The following KIFAP3 variants were observed in gnomAD, a reference collection of about 807,000 sequenced individuals.
KIFAP3 encodes kinesin associated protein 3, also known as kinesin-associated protein 3.
Under a neutral mutation model 106.5 loss-of-function variants are expected in KIFAP3, and 68 were observed. The observed-to-expected ratio is 0.64, with a 90% CI of 0.53 to 0.78. KIFAP3 has a LOEUF of 0.78. Ranked by LOEUF, KIFAP3 falls within the 30% of genes least tolerant of loss-of-function variation. KIFAP3 has a pLI of 0.00. For synonymous variants in KIFAP3, 320 were observed against 311.5 expected, an observed-to-expected ratio of 1.03 and a Z score of -0.29; for missense variants, 780 against 941.8, an observed-to-expected ratio of 0.83 and a Z score of 2.25.
intron 2 of KIFAP3, among the ~76,000 whole-genome samples, chr1:170,048,194 T>C (rs1670363007): frequency 1.3e-5 from 2 of 152,128 alleles, no homozygotes; most frequent in South Asian, 2.1e-4. Flanking sequence ...AGCTATGTAA[T>C]AGCTTTTAAT....
At chr1:169,965,455 AAAC>A (rs1404430755) in intron 17 of KIFAP3, among the ~76,000 whole-genome samples, 3 of 152,166 alleles carry the variant, frequency 2.0e-5, no homozygotes, top group Non-Finnish European at 4.4e-5. Flanking sequence ...AGTAAGAGTA[AAAC>A]TTGACTCCTA....
At chr1:169,977,663 T>C (rs1213783566) in intron 16 of KIFAP3, among the ~76,000 whole-genome samples, 1 of 152,112 alleles carries the variant, frequency 6.6e-6, no homozygotes, top group Non-Finnish European at 1.5e-5. Context: ...AACAAATGCC[T>C]AGGGCTCAAG....
chr1:170,050,131 G>C, intron 2 of KIFAP3, among the ~76,000 whole-genome samples: 1 of 152,206 alleles, frequency 6.6e-6, no homozygotes, highest in East Asian at 1.9e-4. Context: ...AGAATAACCA[G>C]TTTAGAGAGA....
rs755675226 is a variant in KIFAP3, at chr1:169,984,569, C to T, written c.1393+13G>A. 2.0e-5 allele frequency: 29 copies of T among 1,434,934 alleles called. No homozygotes were observed. In the Middle Eastern group the frequency reaches 1.2e-3, roughly 61 times the overall value. The allele number at this position is 1,434,934 out of a possible 1,614,324, so 88.9% of individuals were successfully genotyped here. A position where few individuals can be genotyped will look rare whatever the true frequency, so the allele number is the denominator to read the frequency against. Reference sequence around the variant, plus strand: ...ATATGCTAAAAAAGTTACCTACACTCAAAGGCACTGACCTTCACAGATAAG... The same window carrying T: ...ATATGCTAAAAAAGTTACCTACACTTAAAGGCACTGACCTTCACAGATAAG... On this transcript the variant is annotated intron_variant, in intron 12 of 19. Coordinates refer to ENST00000361580, the MANE Select transcript of KIFAP3 (RefSeq NM_014970.4).
Position 169,922,996 on chromosome 1 carries a change from C to T in KIFAP3, c.2274-1215G>A, listed in dbSNP as rs542665373. 3.9e-5 allele frequency: 20 copies of T among 517,174 alleles called. No homozygotes were observed. The East Asian group carries it at 1.6e-3, about 42-fold the overall frequency. The allele number at this position is 517,174 out of a possible 1,614,324, so 32.0% of individuals were successfully genotyped here. A position where few individuals can be genotyped will look rare whatever the true frequency, so the allele number is the denominator to read the frequency against. ...GAATGCGTGTGTGTGTTTGTGTGCA[C>T]GCGTGCTTGTGTGTATTAAGATGGA... is the stretch of plus-strand genomic sequence containing the variant. On this transcript the variant is annotated intron_variant, in intron 19 of 19. Coordinates refer to ENST00000361580, the MANE Select transcript of KIFAP3 (RefSeq NM_014970.4).
intron 10 of KIFAP3, among the ~76,000 whole-genome samples, chr1:170,008,145 A>G (rs1668065405): frequency 6.6e-6 from 1 of 151,698 alleles, no homozygotes; most frequent in African/African-American, 2.4e-5. Flanking sequence ...CTTAAACGTA[A>G]GACCTAAAAC....
chr1:170,052,647 A>G (rs558828595), intron 2 of KIFAP3, among the ~76,000 whole-genome samples: 38 of 152,290 alleles, frequency 2.5e-4, no homozygotes, highest in Admixed American at 1.1e-3. Context: ...ATCCACCACA[A>G]CCAAGTCGGC....
At chr1:170,005,124 C>T (rs1410722655) in intron 10 of KIFAP3, among the ~76,000 whole-genome samples, 20 of 151,226 alleles carry the variant, frequency 1.3e-4, no homozygotes, top group African/African-American at 4.6e-4. Flanking sequence ...TCATCACTGG[C>T]CATCAGAGAA....
chr1:170,013,945 A>T (rs1040347386), intron 10 of KIFAP3, among the ~76,000 whole-genome samples: 2 of 152,170 alleles, frequency 1.3e-5, no homozygotes, highest in Non-Finnish European at 2.9e-5. Flanking sequence ...TGGTACTAGC[A>T]TTCTAATAGT....
chr1:170,037,268 T>C lies in KIFAP3; in HGVS notation c.517+1022A>G, dbSNP rs191334254. 1.5e-4 allele frequency among the ~76,000 whole-genome samples: 23 copies of C among 152,338 alleles called. 1 individual carries two copies. In the East Asian group the frequency reaches 4.4e-3, roughly 29 times the overall value. ...ATAGCAGAAAAGACATTTGAAATACTTATTTGAAAGTACTGATCGACAAAA... is the reference window on the plus strand; with the variant it reads ...ATAGCAGAAAAGACATTTGAAATACCTATTTGAAAGTACTGATCGACAAAA... On this transcript the variant is annotated intron_variant, in intron 5 of 19. Coordinates refer to ENST00000361580, the MANE Select transcript of KIFAP3 (RefSeq NM_014970.4).
At chr1:170,081,851 T>C (rs1317986848) in intron 1 of KIFAP3, among the ~76,000 whole-genome samples, 1 of 152,170 alleles carries the variant, frequency 6.6e-6, no homozygotes, top group East Asian at 1.9e-4. Flanking sequence ...TGAGCACCTT[T>C]TTTTGTGGGG....
chr1:169,932,233 ATGTTGAACAGAGAGGAAAGTTCTT>A (rs1173323159), intron 19 of KIFAP3, among the ~76,000 whole-genome samples: 2 of 152,130 alleles, frequency 1.3e-5, no homozygotes, highest in African/African-American at 4.8e-5. Context: ...AATGTTTCTG[ATGTTGAACAGAGAGGAAAGTTCTT>A]GTTGGAGGTG....
chr1:169,988,139 ATGT>A (rs1666927297), intron 11 of KIFAP3, among the ~76,000 whole-genome samples: 1 of 152,066 alleles, frequency 6.6e-6, no homozygotes, highest in Non-Finnish European at 1.5e-5. Flanking sequence ...ATTATGAGAC[ATGT>A]TGTATATATA....
intron 1 of KIFAP3, among the ~76,000 whole-genome samples, chr1:170,064,414 G>A (rs141784387): frequency 3.8e-4 from 58 of 152,150 alleles, no homozygotes; most frequent in Non-Finnish European, 1.2e-4. Context: ...AAGTGCAGTG[G>A]TGTGATCACA....
chr1:169,973,058 G>A (rs1442652847), intron 16 of KIFAP3, among the ~76,000 whole-genome samples: 1 of 117,120 alleles, frequency 8.5e-6, no homozygotes, highest in Non-Finnish European at 1.7e-5. Context: ...AAAGAAAGCT[G>A]CAACCTAAAA....
At chr1:170,014,977 G>T (rs1230717635) in intron 10 of KIFAP3, among the ~76,000 whole-genome samples, 1 of 152,088 alleles carries the variant, frequency 6.6e-6, no homozygotes, top group Non-Finnish European at 1.5e-5. Context: ...CTTGCCCAAG[G>T]TCACATGGTT....
chr1:169,939,310 G>A (rs1171198960), intron 19 of KIFAP3, among the ~76,000 whole-genome samples: 1 of 152,186 alleles, frequency 6.6e-6, no homozygotes, highest in Non-Finnish European at 1.5e-5. Flanking sequence ...AGTGGAGAGA[G>A]AGGGTAATGG....
At chr1:169,995,562 A>G (rs184593723) in intron 10 of KIFAP3, among the ~76,000 whole-genome samples, 1 of 152,250 alleles carries the variant, frequency 6.6e-6, no homozygotes, top group Non-Finnish European at 1.5e-5. Flanking sequence ...TAAATGGTAA[A>G]AGAAACAAAG....
At chr1:170,084,285 C>A (rs16862998) in intron 1 of KIFAP3, among the ~76,000 whole-genome samples, 2,481 of 152,282 alleles carry the variant, frequency 0.016, 79 homozygotes, top group African/African-American at 0.056. Context: ...ATATACTGTA[C>A]TTTATGTGCA....
Sources: gnomAD v4.1 joint callset for allele counts (sites outside exome capture counted in the v4.1 genomes callset) on GRCh38, gnomAD v4.1.1 for gene constraint, MANE v1.5 for transcripts, NCBI Gene and HGNC (gene_info 2026-07-23, HGNC 2026-07-21) for gene names.